RMDN2: variants seen among roughly 807,000 people sequenced by gnomAD.
RMDN2 encodes the protein regulator of microtubule dynamics protein 2.
RMDN2 carries 61 observed loss-of-function variants against 52.8 expected under a neutral mutation model. The observed-to-expected ratio is 1.16, with a 90% confidence interval of 0.94 to 1.43. The LOEUF (loss-of-function observed/expected upper bound fraction) is 1.43. Among genes scored for constraint, RMDN2 ranks in the 40% most tolerant of loss-of-function variants. The pLI is 0.00. For synonymous variants in RMDN2, 180 were observed against 153.1 expected (o/e 1.18, Z -1.30); for missense variants, 592 against 475.3 (o/e 1.25, Z -2.28).
chr2:38,050,650 G>A (rs1243228240), intron 10 of RMDN2, among the ~76,000 whole-genome samples: 2 of 152,150 alleles, frequency 1.3e-5, no homozygotes, highest in Non-Finnish European at 2.9e-5. Context: ...AATAAAAGTT[G>A]GTTGAGAGAA....
At chr2:37,952,220 C>G in intron 2 of RMDN2, 4 of 1,611,610 alleles carry the variant, frequency 2.5e-6, no homozygotes, top group Non-Finnish European at 2.5e-6. Context: ...AGACTTTACC[C>G]TCTCTTAGAA....
chr2:38,054,455 ATACACAGAAAC>A, intron 10 of RMDN2, among the ~76,000 whole-genome samples: 1 of 152,372 alleles, frequency 6.6e-6, no homozygotes, highest in African/African-American at 2.4e-5. Context: ...TCCACTTTAA[ATACACAGAAAC>A]TACACATCAT....
At chr2:38,011,475 C>G (rs1001144456) in intron 10 of RMDN2, among the ~76,000 whole-genome samples, 1 of 152,082 alleles carries the variant, frequency 6.6e-6, no homozygotes, top group Non-Finnish European at 1.5e-5. Context: ...AAATAAATGC[C>G]TCAGTAAAAA....
At chr2:38,061,091 T>C (rs1682025910) in intron 10 of RMDN2, among the ~76,000 whole-genome samples, 1 of 152,096 alleles carries the variant, frequency 6.6e-6, no homozygotes, top group African/African-American at 2.4e-5. Flanking sequence ...TGTTGAAAAG[T>C]ATGTTAGTTC....
Position 37,970,619 on chromosome 2 carries a change from A to G in RMDN2, c.453-3421A>G, listed in dbSNP as rs566110549. ...TTTGAATAAGCCTAATTATTTGGAT[A>G]TATGGCAGATTTCACAATAAAACTA... On this transcript the variant is annotated intron_variant, in intron 2 of 10. Coordinates refer to ENST00000354545, the MANE Select transcript of RMDN2 (RefSeq NM_001170791.3). Among the ~76,000 whole-genome samples the G allele has an allele frequency of 2.6e-5, 4 of 152,300 alleles. No individual in the cohort carries two copies. In the East Asian group the frequency reaches 7.7e-4, roughly 29 times the overall value.
At chr2:38,017,085 TGTTG>T (rs1196591139) in intron 10 of RMDN2, 97 bp from the exon 11 acceptor site, 8 of 565,014 alleles carry the variant, frequency 1.4e-5, no homozygotes, top group Non-Finnish European at 1.4e-5. Context: ...AAAGTTCTCA[TGTTG>T]GGGAATCTCC....
At chr2:37,988,785 C>G (rs1003462052) in intron 5 of RMDN2, among the ~76,000 whole-genome samples, 2 of 152,172 alleles carry the variant, frequency 1.3e-5, no homozygotes, top group African/African-American at 4.8e-5. Flanking sequence ...TAGAAACACT[C>G]TGAATGTGAA....
chr2:37,964,762 T>G (rs530981003), intron 2 of RMDN2, among the ~76,000 whole-genome samples: 1 of 152,224 alleles, frequency 6.6e-6, no homozygotes, highest in Non-Finnish European at 1.5e-5. Context: ...CCTGGTTGTT[T>G]TATCCATTAT....
chr2:37,986,743 CAAAG>C (rs940067129), intron 5 of RMDN2, among the ~76,000 whole-genome samples: 3 of 151,940 alleles, frequency 2.0e-5, no homozygotes, highest in African/African-American at 7.3e-5. Flanking sequence ...ATTGATAGTG[CAAAG>C]AAAGAAACTC....
At chr2:37,952,498 T>C (rs939511124) in intron 2 of RMDN2, 7 of 449,878 alleles carry the variant, frequency 1.6e-5, no homozygotes, top group East Asian at 3.2e-5. Context: ...TATAATACTT[T>C]TGTGGTCTGA....
intron 2 of RMDN2, among the ~76,000 whole-genome samples, chr2:37,931,313 C>T (rs1217001110): frequency 6.6e-6 from 1 of 152,160 alleles, no homozygotes; most frequent in East Asian, 1.9e-4. Context: ...CAGATTAGTA[C>T]TCTAATAATG....
At chr2:38,025,815 C>T (rs1573161607) in intron 10 of RMDN2, among the ~76,000 whole-genome samples, 1 of 151,904 alleles carries the variant, frequency 6.6e-6, no homozygotes, top group African/African-American at 2.4e-5. Flanking sequence ...TTGACTTAGT[C>T]CTAATGTGTT....
intron 8 of RMDN2, among the ~76,000 whole-genome samples, chr2:38,000,828 C>G (rs752513023): frequency 3.3e-5 from 5 of 152,170 alleles, no homozygotes; most frequent in Admixed American, 6.5e-5. Flanking sequence ...TTGGTATTGA[C>G]ATATTTTATT....
intron 8 of RMDN2, chr2:37,997,872 C>G (rs573729659): frequency 1.0e-4 from 20 of 197,794 alleles, no homozygotes; most frequent in Non-Finnish European, 2.0e-4. Context: ...AACTTAGTCC[C>G]AGTCCTCCTG....
At chr2:37,943,048 C>A (rs1382395113) in intron 2 of RMDN2, among the ~76,000 whole-genome samples, 6 of 152,196 alleles carry the variant, frequency 3.9e-5, no homozygotes, top group Admixed American at 3.9e-4. Flanking sequence ...GCATGAGCAG[C>A]CATCCACATG....
intron 1 of RMDN2, among the ~76,000 whole-genome samples, chr2:37,925,842 G>C (rs927686959): frequency 1.1e-4 from 16 of 152,212 alleles, no homozygotes; most frequent in African/African-American, 3.4e-4. Flanking sequence ...GTTTGTGTGG[G>C]GTTTTTTTTG....
intron 10 of RMDN2, among the ~76,000 whole-genome samples, chr2:38,010,176 G>C (rs1002576065): frequency 1.3e-5 from 2 of 152,302 alleles, no homozygotes; most frequent in Admixed American, 6.5e-5. Flanking sequence ...ACTTGAGGAG[G>C]CAGTCTGTCC....
At chr2:37,999,328 G>C (rs980701779) in intron 8 of RMDN2, among the ~76,000 whole-genome samples, 1 of 152,150 alleles carries the variant, frequency 6.6e-6, no homozygotes. Flanking sequence ...CCTCATAGTG[G>C]TGTTGTAAGG....
intron 10 of RMDN2, among the ~76,000 whole-genome samples, chr2:38,006,451 A>G (rs1394052506): frequency 6.6e-6 from 1 of 152,072 alleles, no homozygotes. Flanking sequence ...TAGGTATTTT[A>G]TTCTCTTTGA....
Sources: gnomAD v4.1 joint callset for allele counts (sites outside exome capture counted in the v4.1 genomes callset) on GRCh38, gnomAD v4.1.1 for gene constraint, MANE v1.5 for transcripts, NCBI Gene and HGNC (gene_info 2026-07-23, HGNC 2026-07-21) for gene names.